MAPK6: variants seen among roughly 807,000 people sequenced by gnomAD.
MAPK6 encodes ERK-3.
Under a neutral mutation model 59.3 loss-of-function variants are expected in MAPK6, and 19 were observed. The observed-to-expected ratio is 0.32, with a 90% confidence interval of 0.22 to 0.47. The LOEUF is 0.47. Ranked by LOEUF, MAPK6 falls within the 20% of genes least tolerant of loss-of-function variation. MAPK6 has a pLI of 1.00. For missense variants in MAPK6, 724 were observed against 847.9 expected (o/e 0.85, Z 1.81); for synonymous variants, 316 against 290.3 (o/e 1.09, Z -0.90).
Position 51,979,820 on chromosome 15 carries a change from A to G in MAPK6, c.-879-3386A>G, listed in dbSNP as rs534889183. On this transcript the variant is annotated intron_variant, in intron 1 of 7. Coordinates refer to the MAPK6 transcript ENST00000691380. ...AAAAAATAAAAGTAAAAAAATGTGA[A>G]TATGTGTGTGTGTCTAGCATGTAAA... Among the ~76,000 whole-genome samples, 108 of 151,510 alleles carry G rather than the reference A, an allele frequency of 7.1e-4. 4 individuals are homozygous for G. The highest frequency in any genetic ancestry group is 3.4e-3 in the Middle Eastern group (1 of 290).
At chr15:52,045,478 G>T (rs976680318) in intron 1 of MAPK6, among the ~76,000 whole-genome samples, 1 of 152,076 alleles carries the variant, frequency 6.6e-6, no homozygotes, top group African/African-American at 2.4e-5. Context: ...TATTCTTTTA[G>T]ATATTTAGAT....
In MAPK6 at chr15:52,023,758, C is replaced by T. The variant is rs568948608; in HGVS notation, c.-632+4382C>T. 1.1e-4 allele frequency among the ~76,000 whole-genome samples: 17 copies of T among 152,314 alleles called. No individual in the cohort carries two copies. In the East Asian group the frequency reaches 2.7e-3, roughly 24 times the overall value. On this transcript the variant is annotated intron_variant, in intron 1 of 5. Coordinates refer to ENST00000261845, the MANE Select transcript of MAPK6 (RefSeq NM_002748.4). ...TCCCGAGTAGCTGGGACTACAGGTG[C>T]GCACCACCATGACCAGCTAATTTTT...
At chr15:51,993,654 G>T (rs937003965) in intron 2 of MAPK6, among the ~76,000 whole-genome samples, 4 of 151,974 alleles carry the variant, frequency 2.6e-5, no homozygotes, top group Admixed American at 1.3e-4. Flanking sequence ...ATATATAAAT[G>T]CTCACATATA....
Position 52,064,907 on chromosome 15 carries a change from G to T in MAPK6, c.2073G>T (p.Lys691Asn), listed in dbSNP as rs1164084902. The change falls in exon 6 of 6, where the codon AAG becomes AAT. Residue 691 changes from lysine (K) to asparagine (N), a missense_variant. Lys to Asn is a moderately conservative substitution (Grantham distance 94, BLOSUM62 0). Around this residue, in one of 4 missense-constraint regions of MAPK6, gnomAD observed 502 missense variants for 507.6 expected, o/e 0.99. Coordinates refer to ENST00000261845, the MANE Select transcript of MAPK6 (RefSeq NM_002748.4). The part of the protein sequence containing the change: ...QFHSPVGSPL[K>N]SIQATLTPSA... ...ACAGTCCAGTTGGGTCACCACTTAA[G>T]TCAATACAGGCCACATTAACACCTT... 6.2e-7 allele frequency: 1 copy of T among 1,611,906 alleles called. No homozygotes were observed. The highest frequency in any genetic ancestry group is 8.5e-7 in the Non-Finnish European group (1 of 1,179,828).
chr15:51,984,795 G>T (rs2057185791), intron 2 of MAPK6, among the ~76,000 whole-genome samples: 1 of 94,402 alleles, frequency 1.1e-5, no homozygotes, highest in African/African-American at 4.1e-5. Context: ...ACACACTTGG[G>T]AAGAGATCTA....
At chr15:52,057,346 A>G (rs1303969901) in intron 3 of MAPK6, 1 of 152,190 alleles carries the variant, frequency 6.6e-6, no homozygotes, top group Non-Finnish European at 1.5e-5. Flanking sequence ...CCTTTGTTCT[A>G]GTACCACTCT....
At chr15:52,042,224 CAGA>C (rs1427614891) in intron 1 of MAPK6, among the ~76,000 whole-genome samples, 2 of 152,194 alleles carry the variant, frequency 1.3e-5, no homozygotes, top group Admixed American at 1.3e-4. Flanking sequence ...AGCAGTGACG[CAGA>C]ATCACTGAAC....
Position 52,064,760 on chromosome 15 carries a change from A to AGAAACTGAGCCAG in MAPK6, c.1927_1939dup (p.Val647GlyfsTer3). ...GCAGGAAAGAAGATACTGAAATGCT[A>AGAAACTGAGCCAG]GAAACTGAGCCAGTAGAGGATGGGA... is the stretch of plus-strand genomic sequence containing the variant. On this transcript the variant is annotated frameshift_variant, in exon 6 of 6. Coordinates refer to ENST00000261845, the MANE Select transcript of MAPK6 (RefSeq NM_002748.4). LOFTEE classifies it high-confidence loss of function. 6.2e-7 allele frequency: 1 copy of AGAAACTGAGCCAG among 1,611,888 alleles called. No homozygotes were observed. The highest frequency in any genetic ancestry group is 8.5e-7 in the Non-Finnish European group (1 of 1,179,742).
At chr15:52,053,770 G>A (rs947223626) in intron 3 of MAPK6, among the ~76,000 whole-genome samples, 1 of 151,824 alleles carries the variant, frequency 6.6e-6, no homozygotes, top group Non-Finnish European at 1.5e-5. Flanking sequence ...CTCCTGAGTA[G>A]CTGGGATTAC....
chr15:52,032,827 G>A (rs1411988839), intron 1 of MAPK6, among the ~76,000 whole-genome samples: 5 of 152,200 alleles, frequency 3.3e-5, no homozygotes, highest in African/African-American at 1.2e-4. Flanking sequence ...TGGGATTACA[G>A]GCATGCGCCA....
chr15:52,024,759 C>T (rs2030691784), intron 1 of MAPK6: 1 of 152,028 alleles, frequency 6.6e-6, no homozygotes, highest in South Asian at 2.1e-4. Context: ...GCCCTGTTGC[C>T]CAGTTTGGAT....
At chr15:52,047,128 T>G (rs762024573) in intron 2 of MAPK6, 113 bp downstream of exon 2, 4 of 672,060 alleles carry the variant, frequency 6.0e-6, no homozygotes, top group African/African-American at 1.9e-5. Context: ...TATTAAACTT[T>G]ACATAGTGCC....
chr15:51,991,721 A>G (rs2057209379), intron 2 of MAPK6, among the ~76,000 whole-genome samples: 1 of 152,222 alleles, frequency 6.6e-6, no homozygotes, highest in African/African-American at 2.4e-5. Context: ...GGTAGGACAT[A>G]GTGTCTGAAG....
intron 2 of MAPK6, among the ~76,000 whole-genome samples, chr15:52,048,938 G>A (rs1413671991): frequency 3.6e-5 from 5 of 140,556 alleles, no homozygotes; most frequent in Non-Finnish European, 1.6e-5. Flanking sequence ...GTGAAGTATT[G>A]TGGATAGAGC....
chr15:52,058,618 GT>G lies in MAPK6; in HGVS notation c.701-9del. The G allele has an allele frequency of 6.4e-7, 1 of 1,570,522 alleles. No individual in the cohort carries two copies. Among genetic ancestry groups the G allele is most frequent in the South Asian group, 1.2e-5 (1 of 85,288 alleles). ...CATTGAGGAATGTGTTTTTTTGTTT[GT>G]TTTTTAACCTCAGGTGCACATGAAC... On this transcript the variant is annotated splice_polypyrimidine_tract_variant and intron_variant, in intron 3 of 5. Coordinates refer to ENST00000261845, the MANE Select transcript of MAPK6 (RefSeq NM_002748.4).
Position 51,998,497 on chromosome 15 carries a change from A to G in MAPK6, c.-769-5768A>G, listed in dbSNP as rs373937469. Among the ~76,000 whole-genome samples the G allele has an allele frequency of 2.2e-3, 299 of 133,624 alleles. 1 individual carries two copies. Among genetic ancestry groups the G allele is most frequent in the African/African-American group, 8.2e-3 (288 of 34,940 alleles). The allele number at this position is 133,624 out of a possible 152,430, so 87.7% of individuals were successfully genotyped here. A position where few individuals can be genotyped will look rare whatever the true frequency, so the allele number is the denominator to read the frequency against. ...TGGGATTACAGGCATGAGCCACCGC[A>G]CCTGGCCTTTTTTTTTTTTTTTCTC... On this transcript the variant is annotated intron_variant, in intron 2 of 7. Coordinates refer to the MAPK6 transcript ENST00000691380.
At chr15:51,976,082 C>A (rs749478695) in intron 1 of MAPK6, among the ~76,000 whole-genome samples, 4 of 151,398 alleles carry the variant, frequency 2.6e-5, no homozygotes, top group Non-Finnish European at 5.9e-5. Flanking sequence ...CTGGCTAACA[C>A]GGTGAAACCC....
intron 2 of MAPK6, among the ~76,000 whole-genome samples, chr15:52,001,684 T>A (rs1197192542): frequency 1.3e-5 from 2 of 152,012 alleles, no homozygotes; most frequent in African/African-American, 4.8e-5. Context: ...AATTTTTGTA[T>A]TTTTAGTAGA....
chr15:52,003,036 A>G (rs1234782522), intron 2 of MAPK6, among the ~76,000 whole-genome samples: 1 of 152,070 alleles, frequency 6.6e-6, no homozygotes, highest in African/African-American at 2.4e-5. Flanking sequence ...AAAATATAAT[A>G]ATTAGCAGGG....
Sources: allele counts gnomAD v4.1 joint callset (sites outside exome capture counted in the v4.1 genomes callset), GRCh38; gene constraint gnomAD v4.1.1; regional missense constraint gnomAD v4.1.1; transcripts MANE v1.5; gene names NCBI Gene and HGNC (gene_info 2026-07-23, HGNC 2026-07-21).